Variants in GRIP1 observed in about 807,000 individuals in gnomAD.
GRIP1 encodes the protein glutamate receptor interacting protein 1.
Under a neutral mutation model 129.9 loss-of-function variants are expected in GRIP1, and 45 were observed. The ratio of observed to expected loss-of-function variants is 0.35; its 90% CI spans 0.27 to 0.44. GRIP1 has a LOEUF of 0.44. Ranked by LOEUF, GRIP1 falls within the 20% of genes least tolerant of loss-of-function variation. The pLI is 1.00. For missense variants in GRIP1, 1,196 were observed against 1,396.8 expected (o/e 0.86, Z 2.29); for synonymous variants, 530 against 520.8 (o/e 1.02, Z -0.24).
At chr12:66,927,573 C>T (rs1237549418) in intron 1 of GRIP1, among the ~76,000 whole-genome samples, 1 of 152,110 alleles carries the variant, frequency 6.6e-6, no homozygotes, top group Non-Finnish European at 1.5e-5. Context: ...TTTCCAGCCA[C>T]GGGAAGGAAA....
At chr12:66,556,005 T>C (rs1177207524) in intron 2 of GRIP1, among the ~76,000 whole-genome samples, 1 of 152,146 alleles carries the variant, frequency 6.6e-6, no homozygotes, top group East Asian at 1.9e-4. Flanking sequence ...AGACAGATAT[T>C]ATTCAAAGTG....
intron 7 of GRIP1, among the ~76,000 whole-genome samples, chr12:66,498,008 C>T (rs1353031846): frequency 1.3e-5 from 2 of 152,134 alleles, no homozygotes; most frequent in Non-Finnish European, 2.9e-5. Flanking sequence ...AAAGCACCCC[C>T]ACTGGGCACC....
intron 7 of GRIP1, among the ~76,000 whole-genome samples, chr12:66,466,633 A>G (rs2059294457): frequency 6.6e-6 from 1 of 152,242 alleles, no homozygotes; most frequent in Non-Finnish European, 1.5e-5. Context: ...CTGCTTGCTT[A>G]CCTATACAAT....
rs754332199 is a variant in GRIP1, at chr12:66,579,603, A to G, written c.136+17244T>C. On this transcript the variant is annotated intron_variant, in intron 2 of 24. Transcript: ENST00000359742. The stretch of plus-strand genomic sequence containing the variant: ...GAAAGCCAAGGCTCGAGAACTACGT[A>G]AAGAATGCAGAAGCCTCAGGAGCCG... Among the ~76,000 whole-genome samples, 16 of 152,354 alleles carry G rather than the reference A, an allele frequency of 1.1e-4. No homozygotes were observed. The East Asian group carries it at 2.9e-3, about 28-fold the overall frequency.
chr12:66,364,581 A>G (rs1176073227), intron 23 of GRIP1, among the ~76,000 whole-genome samples: 1 of 152,226 alleles, frequency 6.6e-6, no homozygotes. Context: ...GACAAAGGAC[A>G]GAACTCAAAG....
Position 66,376,911 on chromosome 12 carries a change from G to A in GRIP1, c.2778+106C>T, listed in dbSNP as rs117901097. 1.7e-4 allele frequency: 138 copies of A among 823,046 alleles called. 1 individual carries two copies. The East Asian group carries it at 3.1e-3, about 18-fold the overall frequency. 51.0% of individuals were successfully genotyped at this position (823,046 alleles called of 1,614,324 possible). On this transcript the variant is annotated intron_variant, in intron 22 of 24. Coordinates refer to ENST00000359742, the MANE Select transcript of GRIP1 (RefSeq NM_001366722.1). The stretch of plus-strand genomic sequence containing the variant: ...CAGTAAGCTTGAGGGGTGGAGATGG[G>A]GATATACTTTTGACTGCATTGTATA...
chr12:66,411,129 C>T (rs943324500), intron 15 of GRIP1, among the ~76,000 whole-genome samples: 2 of 152,110 alleles, frequency 1.3e-5, no homozygotes, highest in South Asian at 4.2e-4. Context: ...TCACAGTGCA[C>T]CTGCTCTGTC....
At chr12:66,357,541 T>G (rs890098051) in intron 23 of GRIP1, among the ~76,000 whole-genome samples, 6 of 152,256 alleles carry the variant, frequency 3.9e-5, no homozygotes, top group African/African-American at 1.4e-4. Flanking sequence ...GTAAGGGTTC[T>G]CATCAATCTT....
At chr12:66,414,633 G>C (rs2057520451) in intron 15 of GRIP1, among the ~76,000 whole-genome samples, 1 of 152,016 alleles carries the variant, frequency 6.6e-6, no homozygotes, top group Non-Finnish European at 1.5e-5. Context: ...AGCCTGTATA[G>C]CCAAACCAAT....
At chr12:67,014,108 C>G (rs1397719081) in intron 1 of GRIP1, among the ~76,000 whole-genome samples, 2 of 152,164 alleles carry the variant, frequency 1.3e-5, no homozygotes, top group African/African-American at 4.8e-5. Flanking sequence ...GAATCCAGAT[C>G]CCTGATCAAG....
intron 1 of GRIP1, among the ~76,000 whole-genome samples, chr12:66,802,359 A>G (rs1478324818): frequency 6.6e-6 from 1 of 152,200 alleles, no homozygotes; most frequent in Non-Finnish European, 1.5e-5. Flanking sequence ...GATATTTAAC[A>G]TCTTATCCTT....
chr12:66,507,380 G>A (rs2060560497), intron 7 of GRIP1, among the ~76,000 whole-genome samples: 2 of 151,968 alleles, frequency 1.3e-5, no homozygotes, highest in African/African-American at 4.8e-5. Flanking sequence ...GGAGCTTGCA[G>A]TGAGCCGAGA....
At chr12:66,599,808 T>C (rs1231655279) in intron 1 of GRIP1, among the ~76,000 whole-genome samples, 1 of 152,202 alleles carries the variant, frequency 6.6e-6, no homozygotes, top group Non-Finnish European at 1.5e-5. Context: ...TCTTTCATTA[T>C]AAATGGAACT....
intron 1 of GRIP1, among the ~76,000 whole-genome samples, chr12:66,670,470 T>C (rs2034026145): frequency 2.0e-5 from 3 of 152,184 alleles, no homozygotes; most frequent in Non-Finnish European, 4.4e-5. Context: ...GCTCATAACT[T>C]CATACAGGAC....
intron 1 of GRIP1, among the ~76,000 whole-genome samples, chr12:66,879,288 G>A (rs963433421): frequency 6.6e-6 from 1 of 151,844 alleles, no homozygotes; most frequent in Non-Finnish European, 1.5e-5. Context: ...AAAAAGTGGA[G>A]GCAACAGTTT....
At chr12:66,918,723 C>T (rs1036482605) in intron 1 of GRIP1, among the ~76,000 whole-genome samples, 1 of 151,906 alleles carries the variant, frequency 6.6e-6, no homozygotes, top group East Asian at 1.9e-4. Context: ...GTTAGCTGCC[C>T]CCATGAAAGA....
intron 1 of GRIP1, among the ~76,000 whole-genome samples, chr12:66,971,959 T>C (rs1321353059): frequency 6.6e-6 from 1 of 151,928 alleles, no homozygotes; most frequent in Non-Finnish European, 1.5e-5. Flanking sequence ...AGAGAATAAG[T>C]GGAAAAGCTG....
chr12:66,484,358 A>T (rs1439552681), intron 7 of GRIP1, among the ~76,000 whole-genome samples: 2 of 152,118 alleles, frequency 1.3e-5, no homozygotes. Flanking sequence ...ATTCTACCTA[A>T]GTTTTTCTGG....
chr12:66,798,605 G>A (rs141431044), intron 1 of GRIP1, among the ~76,000 whole-genome samples: 272 of 152,152 alleles, frequency 1.8e-3, no homozygotes, highest in Middle Eastern at 6.8e-3. Context: ...ATAGCATGCC[G>A]TACTAACTGG....
Sources: allele counts gnomAD v4.1 joint callset (sites outside exome capture counted in the v4.1 genomes callset), GRCh38; gene constraint gnomAD v4.1.1; transcripts MANE v1.5; gene names NCBI Gene and HGNC (gene_info 2026-07-23, HGNC 2026-07-21).